ZNF568: variants seen among roughly 807,000 people sequenced by gnomAD.
ZNF568 encodes p53 inhibitor of SCO2 activation.
Under a neutral mutation model 18.1 loss-of-function variants are expected in ZNF568, and 11 were observed. The ratio of observed to expected loss-of-function variants is 0.61; its 90% CI spans 0.38 to 1.00. The LOEUF is 1.00. Ranked by LOEUF, ZNF568 falls within the 50% of genes least tolerant of loss-of-function variation. The probability of loss-of-function intolerance (pLI) is 0.01; values close to 1 mark genes in which losing one functional copy is unlikely to be tolerated. For synonymous variants in ZNF568, 213 were observed against 246.6 expected, an observed-to-expected ratio of 0.86 and a Z score of 1.28; for missense variants, 639 against 768.2, an observed-to-expected ratio of 0.83 and a Z score of 1.99.
At chr19:36,982,349 T>C (rs2074338637), downstream of ZNF568, among the ~76,000 whole-genome samples, 1 of 152,148 alleles carries the variant, frequency 6.6e-6, no homozygotes. Context: ...GCTAATTCGC[T>C]CTTGAGTTTT....
chr19:36,953,721 G>GGTCA (rs1244324035), downstream of ZNF568, among the ~76,000 whole-genome samples: 1 of 152,020 alleles, frequency 6.6e-6, no homozygotes, highest in African/African-American at 2.4e-5. Flanking sequence ...AGACCAGTCT[G>GGTCA]GTCAACAGGA....
At chr19:36,920,321 TTTTAAAAAA>T (rs2073430757) in intron 2 of ZNF568, among the ~76,000 whole-genome samples, 1 of 152,088 alleles carries the variant, frequency 6.6e-6, no homozygotes, top group Non-Finnish European at 1.5e-5. Flanking sequence ...AGTCAAAAAG[TTTTAAAAAA>T]TTGAAAAGCT....
chr19:36,932,664 G>A (rs2073707353), intron 4 of ZNF568, among the ~76,000 whole-genome samples: 1 of 152,098 alleles, frequency 6.6e-6, no homozygotes, highest in Non-Finnish European at 1.5e-5. Flanking sequence ...CACCAGCTGT[G>A]TATGAGGATT....
chr19:36,972,573 C>T (rs1228845577), intron 6 of ZNF568, among the ~76,000 whole-genome samples: 1 of 97,864 alleles, frequency 1.0e-5, no homozygotes, highest in African/African-American at 4.5e-5. Context: ...GTTGAGATGC[C>T]AGAAGACCTG....
At chr19:36,990,194 T>C (rs904951495) in intron 2 of ZNF568, among the ~76,000 whole-genome samples, 2 of 152,184 alleles carry the variant, frequency 1.3e-5, no homozygotes, top group Non-Finnish European at 2.9e-5. Flanking sequence ...TTGTGTAGTA[T>C]GTGCGCACCT....
At chr19:36,982,844 G>A (rs187518942), downstream of ZNF568, among the ~76,000 whole-genome samples, 1 of 152,222 alleles carries the variant, frequency 6.6e-6, no homozygotes, top group African/African-American at 2.4e-5. Flanking sequence ...GATGTGTGAT[G>A]AATTTTTACA....
chr19:36,991,491 C>A, intron 3 of ZNF568: 1 of 753,866 alleles, frequency 1.3e-6, no homozygotes, highest in East Asian at 2.8e-5. Context: ...CAGCAGGCAC[C>A]TTTATCTTCA....
Position 36,952,028 on chromosome 19 carries a change from GGCCAA to G in ZNF568, c.*942_*946del, listed in dbSNP as rs2074067391. On this transcript the variant is annotated 3_prime_UTR_variant, in exon 7 of 7. Coordinates refer to ENST00000333987, the MANE Select transcript of ZNF568 (RefSeq NM_198539.4). ...TAGATGATATTGTCTATGACGTTGA[GGCCAA>G]GGAGCTTTTTTTTTTTTTTTTTCAA... The G allele has an allele frequency of 1.2e-6, 1 of 846,322 alleles. No homozygotes were observed. Among genetic ancestry groups the G allele is most frequent in the Non-Finnish European group, 1.4e-6 (1 of 717,480 alleles). The allele number at this position is 846,322 out of a possible 1,614,324, so 52.4% of individuals were successfully genotyped here.
downstream of ZNF568, among the ~76,000 whole-genome samples, chr19:36,956,592 T>TA (rs201630976): frequency 1.5e-3 from 222 of 146,458 alleles, no homozygotes; most frequent in African/African-American, 3.9e-3. Flanking sequence ...AATTGAAATT[T>TA]AAAAAAAACT....
chr19:36,966,656 G>A (rs774363096), intron 6 of ZNF568, among the ~76,000 whole-genome samples: 5 of 152,208 alleles, frequency 3.3e-5, no homozygotes, highest in Non-Finnish European at 7.3e-5. Context: ...TGTCAGTAGA[G>A]GGTGTGGACA....
chr19:36,922,312 C>T (rs2073470777), intron 2 of ZNF568, among the ~76,000 whole-genome samples: 1 of 152,112 alleles, frequency 6.6e-6, no homozygotes, highest in Non-Finnish European at 1.5e-5. Flanking sequence ...TGAGTGTTGT[C>T]ATGGTATGGC....
In ZNF568 at chr19:36,970,506, G is replaced by A. The variant is rs774554203; in HGVS notation, c.359-3914G>A. On this transcript the variant is annotated intron_variant, in intron 6 of 7. Transcript: ENST00000427117. ...AGTACAGGTGTGCGCCACCACATCC[G>A]GCTAATCTTTGTAGAAAGGGGGTTT... 5.9e-5 allele frequency among the ~76,000 whole-genome samples: 9 copies of A among 151,748 alleles called. No homozygotes were observed. The South Asian group carries it at 1.0e-3, about 18-fold the overall frequency.
At chr19:36,920,729 G>T (rs927288627) in intron 2 of ZNF568, among the ~76,000 whole-genome samples, 2 of 152,086 alleles carry the variant, frequency 1.3e-5, no homozygotes, top group Non-Finnish European at 2.9e-5. Flanking sequence ...TAGCCTAAGT[G>T]TACAGTGTTT....
In ZNF568 at chr19:36,937,148, C is replaced by A; in HGVS notation, c.264C>A (p.Gly88=). ...ATCCTTTGCTATTTCTTGTAATAGG[C>A]TGTCAAGTCACCAAACCGGATGTGA... The part of the protein sequence containing the change: ...LENYSNLVTV[G]CQVTKPDVIF... The change falls in exon 6 of 7, where the codon GGC becomes GGA. Residue 88 remains glycine (G), a splice_region_variant and synonymous_variant. Coordinates refer to ENST00000333987, the MANE Select transcript of ZNF568 (RefSeq NM_198539.4). The A allele has an allele frequency of 6.2e-7, 1 of 1,613,384 alleles. No individual in the cohort carries two copies. Among genetic ancestry groups the A allele is most frequent in the Non-Finnish European group, 8.5e-7 (1 of 1,179,560 alleles).
intron 7 of ZNF568, among the ~76,000 whole-genome samples, chr19:36,975,841 G>A (rs1368640427): frequency 5.3e-5 from 8 of 151,436 alleles, no homozygotes; most frequent in Admixed American, 3.3e-4. Context: ...GATTACAGGC[G>A]TGCGCCACCA....
intron 4 of ZNF568, among the ~76,000 whole-genome samples, chr19:36,933,774 G>A (rs989753235): frequency 1.5e-4 from 23 of 151,612 alleles, no homozygotes; most frequent in African/African-American, 5.6e-4. Context: ...TAAAAGATGT[G>A]TCCCCTCCTT....
chr19:36,965,270 A>G (rs926237046), intron 6 of ZNF568, among the ~76,000 whole-genome samples: 5 of 152,190 alleles, frequency 3.3e-5, no homozygotes. Context: ...GCATGCTTTT[A>G]TCTCTTTGCC....
intron 4 of ZNF568, chr19:36,996,291 C>A (rs2074470660): frequency 6.8e-7 from 1 of 1,474,922 alleles, no homozygotes; most frequent in South Asian, 1.3e-5. Flanking sequence ...AAAATACCTC[C>A]TATTTTCTTT....
At chr19:36,929,693 A>G (rs2073649332) in intron 4 of ZNF568, among the ~76,000 whole-genome samples, 2 of 151,626 alleles carry the variant, frequency 1.3e-5, no homozygotes, top group Non-Finnish European at 2.9e-5. Context: ...TCAAAAAAAA[A>G]AAAAAAAAAA....
Sources: gnomAD v4.1 joint callset for allele counts (sites outside exome capture counted in the v4.1 genomes callset) on GRCh38, gnomAD v4.1.1 for gene constraint, MANE v1.5 for transcripts, NCBI Gene and HGNC (gene_info 2026-07-23, HGNC 2026-07-21) for gene names.